DLG2: variants seen among roughly 807,000 people sequenced by gnomAD.
The protein encoded by DLG2 is disks large homolog 2.
A neutral mutation model predicts 132.5 loss-of-function variants in DLG2; 45 were observed. The ratio of observed to expected loss-of-function variants is 0.34; its 90% CI spans 0.27 to 0.44. DLG2 has a LOEUF of 0.44. Ranked by LOEUF, DLG2 falls within the 20% of genes least tolerant of loss-of-function variation. DLG2 has a pLI of 1.00. For missense variants in DLG2, 1,045 were observed against 1,196.9 expected (o/e 0.87, Z 1.87); for synonymous variants, 424 against 419.6 (o/e 1.01, Z -0.13).
At chr11:84,804,126 TG>T (rs2075736910) in intron 6 of DLG2, among the ~76,000 whole-genome samples, 1 of 152,206 alleles carries the variant, frequency 6.6e-6, no homozygotes, top group Non-Finnish European at 1.5e-5. Context: ...ATTTTGGTGA[TG>T]ACAAATATTA....
intron 17 of DLG2, among the ~76,000 whole-genome samples, chr11:83,810,310 G>C (rs533226435): frequency 6.6e-6 from 1 of 152,132 alleles, no homozygotes; most frequent in Admixed American, 6.5e-5. Flanking sequence ...ATAAAAACAA[G>C]TATTTCCCTA....
In DLG2 at chr11:83,786,801, G is replaced by C; in HGVS notation, c.1723-9C>G. On this transcript the variant is annotated splice_polypyrimidine_tract_variant and intron_variant, in intron 17 of 27. Coordinates refer to ENST00000376104, the MANE Select transcript of DLG2 (RefSeq NM_001142699.3). ...AGGTCAATGCCATTCACCTGAAAGA[G>C]AGGAAGCCAGAGAATCTTGGTATTT... 1 of 1,612,620 alleles carries C rather than the reference G, an allele frequency of 6.2e-7. No homozygotes were observed. The highest frequency in any genetic ancestry group is 8.5e-7 in the Non-Finnish European group (1 of 1,178,780).
At chr11:84,792,173 G>T (rs1318230056) in intron 6 of DLG2, among the ~76,000 whole-genome samples, 1 of 152,028 alleles carries the variant, frequency 6.6e-6, no homozygotes, top group East Asian at 1.9e-4. Flanking sequence ...ATGCTTTTTA[G>T]CATCAATTGA....
Position 85,298,382 on chromosome 11 carries a change from A to G in DLG2, c.41-13017T>C, listed in dbSNP as rs188102906. Among the ~76,000 whole-genome samples the G allele has an allele frequency of 4.4e-3, 669 of 152,304 alleles. 7 individuals carry two copies. Among genetic ancestry groups the G allele is most frequent in the Non-Finnish European group, 8.1e-3 (549 of 68,006 alleles). On this transcript the variant is annotated intron_variant, in intron 3 of 27. Coordinates refer to ENST00000376104, the MANE Select transcript of DLG2 (RefSeq NM_001142699.3). ...TTCACAGTGGGGAAGCCTGGAAAACACAACTTCAATTGTGTGCTCAGAGTG... is the reference window on the plus strand; with the variant it reads ...TTCACAGTGGGGAAGCCTGGAAAACGCAACTTCAATTGTGTGCTCAGAGTG...
intron 15 of DLG2, among the ~76,000 whole-genome samples, chr11:83,903,341 C>T (rs2073970245): frequency 6.6e-6 from 1 of 151,924 alleles, no homozygotes; most frequent in Non-Finnish European, 1.5e-5. Context: ...CTATCAGACC[C>T]ATTTTATATC....
At chr11:84,721,181 C>G (rs2061796205) in intron 6 of DLG2, among the ~76,000 whole-genome samples, 1 of 152,142 alleles carries the variant, frequency 6.6e-6, no homozygotes. Context: ...CAGGGAACTT[C>G]CTCCCAGCCC....
intron 7 of DLG2, among the ~76,000 whole-genome samples, chr11:84,411,883 G>A (rs1332999591): frequency 6.6e-6 from 1 of 152,010 alleles, no homozygotes; most frequent in Non-Finnish European, 1.5e-5. Context: ...TATAGATTTT[G>A]GGGACATTCT....
At chr11:84,220,627 G>T (rs2096899178) in intron 8 of DLG2, among the ~76,000 whole-genome samples, 1 of 151,946 alleles carries the variant, frequency 6.6e-6, no homozygotes, top group African/African-American at 2.4e-5. Context: ...CACTTAAGAA[G>T]GTTTCCTAAT....
chr11:84,273,401 A>T lies in DLG2; in HGVS notation c.520-22110T>A, dbSNP rs756208711. Reference sequence around the variant, plus strand: ...AACTGCTATCTTAAGACTTAAAAAAAAAGTTAATCAGAACATTTCTTTTGG... The same window carrying T: ...AACTGCTATCTTAAGACTTAAAAAATAAGTTAATCAGAACATTTCTTTTGG... On this transcript the variant is annotated intron_variant, in intron 7 of 27. Coordinates refer to ENST00000376104, the MANE Select transcript of DLG2 (RefSeq NM_001142699.3). The T allele has an allele frequency of 1.0e-4, 127 of 1,250,812 alleles. 1 individual carries two copies. The highest frequency in any genetic ancestry group is 1.3e-4 in the Non-Finnish European group (126 of 980,598). The allele number at this position is 1,250,812 out of a possible 1,614,324, so 77.5% of individuals were successfully genotyped here.
Position 84,743,183 on chromosome 11 carries a change from A to G in DLG2, c.358-208452T>C, listed in dbSNP as rs12271484. ...TTAGTTATATTTTACATAACTATAG[A>G]ACAATATCAAAACCAGTACATTGAC... On this transcript the variant is annotated intron_variant, in intron 6 of 27. Coordinates refer to ENST00000376104, the MANE Select transcript of DLG2 (RefSeq NM_001142699.3). Among the ~76,000 whole-genome samples the G allele has an allele frequency of 1.7e-3, 261 of 152,326 alleles. 1 individual carries two copies. The highest frequency in any genetic ancestry group is 5.8e-3 in the African/African-American group (242 of 41,578).
chr11:85,598,789 C>T lies in DLG2; in HGVS notation c.-92-1G>A, dbSNP rs1362779885. On this transcript the variant is annotated splice_acceptor_variant, in intron 2 of 27. Transcript: ENST00000376104. LOFTEE classifies it low-confidence loss of function (5UTR_SPLICE). ...AGTAATGATAAAGCTCGGTCAGTAT[C>T]TGAAAAACATGATATTATTATTATA... 1.1e-6 allele frequency: 1 copy of T among 905,986 alleles called. No individual in the cohort carries two copies. The highest frequency in any genetic ancestry group is 1.6e-6 in the Non-Finnish European group (1 of 618,062). The allele number at this position is 905,986 out of a possible 1,614,324, so 56.1% of individuals were successfully genotyped here. A position where few individuals can be genotyped will look rare whatever the true frequency, so the allele number is the denominator to read the frequency against.
At chr11:85,233,250 C>G (rs938598566) in intron 4 of DLG2, among the ~76,000 whole-genome samples, 4 of 151,740 alleles carry the variant, frequency 2.6e-5, no homozygotes, top group Non-Finnish European at 5.9e-5. Flanking sequence ...TAGAGGCATA[C>G]AAAGGGCAGG....
At chr11:83,570,882 GTTAT>G (rs1356611984) in intron 19 of DLG2, among the ~76,000 whole-genome samples, 1 of 152,042 alleles carries the variant, frequency 6.6e-6, no homozygotes, top group Non-Finnish European at 1.5e-5. Flanking sequence ...AGTTACTATA[GTTAT>G]TTATTTATTT....
At chr11:84,290,208 G>C (rs1261127154) in intron 7 of DLG2, among the ~76,000 whole-genome samples, 2 of 152,122 alleles carry the variant, frequency 1.3e-5, no homozygotes, top group East Asian at 3.8e-4. Flanking sequence ...AGGGACAGGA[G>C]GGACAGAAGA....
chr11:84,331,874 T>C (rs2098461310), intron 7 of DLG2, among the ~76,000 whole-genome samples: 1 of 152,148 alleles, frequency 6.6e-6, no homozygotes, highest in Non-Finnish European at 1.5e-5. Flanking sequence ...TACCTGTGAA[T>C]TGGTTTCTGA....
chr11:83,907,670 G>C (rs1230403078), intron 15 of DLG2, among the ~76,000 whole-genome samples: 1 of 152,106 alleles, frequency 6.6e-6, no homozygotes, highest in Non-Finnish European at 1.5e-5. Context: ...ATAATGGTCA[G>C]TTATTATTAT....
chr11:85,150,010 A>ATTTTTTTTTTTTTTTTTTTTTTTTTTT (rs962380618), intron 5 of DLG2, among the ~76,000 whole-genome samples: 3 of 112,304 alleles, frequency 2.7e-5, no homozygotes, highest in African/African-American at 3.8e-5. Context: ...TCAGTTTTTA[A>ATTTTTTTTTTTTTTTTTTTTTTTTTTT]TTTTTTTTTT....
rs1203317294 is a variant in DLG2 at position 83,461,389 on chromosome 11, T to C, written c.2821+613A>G. ...TTACTCAGTGTTCTATGAAAGTATA[T>C]AGGAATACAGAACTCAGAACTCAGG... On this transcript the variant is annotated intron_variant, in intron 27 of 27. Transcript: ENST00000376104. Among the ~76,000 whole-genome samples the C allele has an allele frequency of 2.6e-5, 4 of 152,002 alleles. No homozygotes were observed. The East Asian group carries it at 7.7e-4, about 29-fold the overall frequency.
chr11:85,118,763 T>C (rs895552589), intron 5 of DLG2, among the ~76,000 whole-genome samples: 8 of 151,720 alleles, frequency 5.3e-5, no homozygotes, highest in African/African-American at 1.7e-4. Context: ...AATGCCAGAG[T>C]TTTCACTTTT....
Sources: allele counts gnomAD v4.1 joint callset (sites outside exome capture counted in the v4.1 genomes callset), GRCh38; gene constraint gnomAD v4.1.1; transcripts MANE v1.5; gene names NCBI Gene and HGNC (gene_info 2026-07-23, HGNC 2026-07-21).